DUSP12: variants seen among roughly 807,000 people sequenced by gnomAD.
DUSP12 encodes the protein dual specificity protein phosphatase 12.
In DUSP12, 25 loss-of-function variants were observed where a neutral mutation model predicts 38.9. That is an observed-to-expected ratio of 0.64 (90% CI 0.47 to 0.90). The LOEUF (loss-of-function observed/expected upper bound fraction) is 0.90. DUSP12 is among the 40% of genes least tolerant of loss of function. The pLI is 0.00. For missense variants in DUSP12, 403 were observed against 427.0 expected (o/e 0.94, Z 0.50); for synonymous variants, 153 against 153.9 (o/e 0.99, Z 0.05).
rs760028862 is a variant in DUSP12 at position 161,751,667 on chromosome 1, G to A, written c.345-1G>A. Reference sequence around the variant, plus strand: ...TTTTATTTTAAAGGTCTCTTTTTCAGTCATGCAGGAGTCAGTCGAAGTGTG... The same window carrying A: ...TTTTATTTTAAAGGTCTCTTTTTCAATCATGCAGGAGTCAGTCGAAGTGTG... On this transcript the variant is annotated splice_acceptor_variant, in intron 1 of 5. Coordinates refer to ENST00000367943, the MANE Select transcript of DUSP12 (RefSeq NM_007240.3). LOFTEE classifies it high-confidence loss of function. 3 of 1,594,580 alleles carry A rather than the reference G, an allele frequency of 1.9e-6. No individual in the cohort carries two copies. Among genetic ancestry groups the A allele is most frequent in the Non-Finnish European group, 1.7e-6 (2 of 1,175,056 alleles).
rs1329527685 is a variant in DUSP12 at position 161,749,797 on chromosome 1, C to T, written c.-5C>T. The stretch of plus-strand genomic sequence containing the variant: ...CAGGAAGCCGCCTTGTCTCTGGGCG[C>T]GGCCATGTTGGAGGCTCCGGGCCCG... On this transcript the variant is annotated 5_prime_UTR_variant, in exon 1 of 6. Coordinates refer to ENST00000367943, the MANE Select transcript of DUSP12 (RefSeq NM_007240.3). 5.1e-6 allele frequency: 8 copies of T among 1,564,746 alleles called. No individual in the cohort carries two copies. Among genetic ancestry groups the T allele is most frequent in the Middle Eastern group, 1.9e-4 (1 of 5,300 alleles).
intron 1 of DUSP12, among the ~76,000 whole-genome samples, 167 bp downstream of exon 1, chr1:161,750,312 AGGCGGGCCCCT>A (rs1056455608): frequency 8.5e-5 from 13 of 152,326 alleles, no homozygotes; most frequent in Admixed American, 2.6e-4. Context: ...AGGAGGGTTG[AGGCGGGCCCCT>A]GGTGTGTGCA....
At chr1:161,754,362 T>C (rs1428435467) in intron 5 of DUSP12, among the ~76,000 whole-genome samples, 1 of 152,230 alleles carries the variant, frequency 6.6e-6, no homozygotes, top group Non-Finnish European at 1.5e-5. Flanking sequence ...TATTATAGTA[T>C]AATTCACATA....
rs529889388 is a variant in DUSP12 at position 161,757,015 on chromosome 1, A to G, written c.*68A>G. On this transcript the variant is annotated 3_prime_UTR_variant, in exon 6 of 6. Transcript: ENST00000367943. ...GTGCTGCCTTTGCTTCTTATCATTCATGGCAGATTGTTTGTGCTTTCAACA... is the reference window on the plus strand; with the variant it reads ...GTGCTGCCTTTGCTTCTTATCATTCGTGGCAGATTGTTTGTGCTTTCAACA... 5.4e-5 allele frequency: 78 copies of G among 1,437,726 alleles called. No individual in the cohort carries two copies. The African/African-American group carries it at 1.0e-3, about 19-fold the overall frequency. The allele number at this position is 1,437,726 out of a possible 1,614,324, so 89.1% of individuals were successfully genotyped here.
In DUSP12 at chr1:161,753,255, T is replaced by C; in HGVS notation, c.855T>C (p.Asp285=). 1 of 1,594,868 alleles carries C rather than the reference T, an allele frequency of 6.3e-7. No individual in the cohort carries two copies. Among genetic ancestry groups the C allele is most frequent in the Non-Finnish European group, 8.5e-7 (1 of 1,170,710 alleles). The stretch of plus-strand genomic sequence containing the variant: ...AATCTGCTTTGTTGGGAGTGATGGA[T>C]GGACAGGTGAGAACACATTTTATTT... ...WMESALLGVM[D]GQLLCPKCSA... is the part of the protein sequence containing the mutation. The change falls in exon 5 of 6, where the codon GAT becomes GAC. Residue 285 remains aspartate, a synonymous_variant. Transcript: ENST00000367943.
intron 4 of DUSP12, 68 bp from the exon 5 acceptor site, chr1:161,753,007 C>G: frequency 1.4e-6 from 2 of 1,393,584 alleles, no homozygotes; most frequent in Non-Finnish European, 1.9e-6. Context: ...AAAGAAATAC[C>G]GCACATTTCA....
At position 161,756,809 on chromosome 1, in the gene DUSP12, C is replaced by T; in HGVS notation, c.885C>T (p.Ala295=). 3.7e-6 allele frequency: 6 copies of T among 1,612,218 alleles called. No homozygotes were observed. Among genetic ancestry groups the T allele is most frequent in the Non-Finnish European group, 5.1e-6 (6 of 1,178,796 alleles). ...DGQLLCPKCS[A]KLGSFNWYGE... ...AGCTTCTTTGCCCAAAATGCAGTGC[C>T]AAGTTGGGTTCCTTCAACTGGTATG... Residue 295 remains alanine (A), a synonymous_variant, in exon 6 of 6, where the codon GCC becomes GCT. Transcript: ENST00000367943.
intron 5 of DUSP12, among the ~76,000 whole-genome samples, chr1:161,754,357 T>TTC: frequency 6.6e-6 from 1 of 152,230 alleles, no homozygotes; most frequent in Non-Finnish European, 1.5e-5. Flanking sequence ...AGCCTTATTA[T>TTC]AGTATAATTC....
intron 1 of DUSP12, 117 bp downstream of exon 1, chr1:161,750,262 C>G (rs1571098001): frequency 9.5e-7 from 1 of 1,048,968 alleles, no homozygotes; most frequent in East Asian, 2.6e-5. Context: ...CGTGAACCTC[C>G]TCCCGCTGCC....
At chr1:161,750,356 A>T (rs996773233) in intron 1 of DUSP12, among the ~76,000 whole-genome samples, 4 of 152,170 alleles carry the variant, frequency 2.6e-5, no homozygotes, top group Non-Finnish European at 5.9e-5. Flanking sequence ...TTCATGCTTT[A>T]GTTGGTTCTT....
At chr1:161,751,612 G>A (rs779768949) in intron 1 of DUSP12, 56 bp from the exon 2 acceptor site, 7 of 1,214,294 alleles carry the variant, frequency 5.8e-6, no homozygotes, top group Non-Finnish European at 7.8e-6. Context: ...GGCTTTGTGT[G>A]TTTTTTTTTT....
At position 161,749,819 on chromosome 1, in the gene DUSP12, C is replaced by A. The variant is rs1683982655; in HGVS notation, c.18C>A (p.Gly6=). 3 of 1,582,836 alleles carry A rather than the reference C, an allele frequency of 1.9e-6. No individual in the cohort carries two copies. Among genetic ancestry groups the A allele is most frequent in the Non-Finnish European group, 2.6e-6 (3 of 1,165,286 alleles). MLEAP[G]PSDGCELSNP... is the part of the protein sequence containing the mutation. ...GCGCGGCCATGTTGGAGGCTCCGGG[C>A]CCGAGTGATGGCTGCGAGCTCAGCA... The change falls in exon 1 of 6, where the codon GGC becomes GGA. Residue 6 remains glycine (G), a synonymous_variant. Transcript: ENST00000367943.
rs369035782 is a variant in DUSP12, at chr1:161,751,795, T to G, written c.458+14T>G. On this transcript the variant is annotated intron_variant, in intron 2 of 5. Transcript: ENST00000367943. ...ACCAGAGGCTAAGTGGGTTCTTTTTTTATAGTAATAATTATGCTTTTGTGA... is the reference window on the plus strand; with the variant it reads ...ACCAGAGGCTAAGTGGGTTCTTTTTGTATAGTAATAATTATGCTTTTGTGA... 101 of 1,602,852 alleles carry G rather than the reference T, an allele frequency of 6.3e-5. No homozygotes were observed. The highest frequency in any genetic ancestry group is 8.4e-5 in the Non-Finnish European group (99 of 1,176,862).
intron 1 of DUSP12, 133 bp downstream of exon 1, chr1:161,750,278 C>T (rs751015561): frequency 4.1e-4 from 391 of 956,598 alleles, no homozygotes; most frequent in Non-Finnish European, 5.7e-4. Flanking sequence ...CTGCCTCCCG[C>T]AGGAGGCGTG....
chr1:161,756,317 C>T (rs1044255804), intron 5 of DUSP12, among the ~76,000 whole-genome samples: 2 of 151,840 alleles, frequency 1.3e-5, no homozygotes, highest in Non-Finnish European at 2.9e-5. Flanking sequence ...TTTTGATTTA[C>T]CTATTTTCCT....
chr1:161,756,980 C>A lies in DUSP12; in HGVS notation c.*33C>A. 6.3e-7 allele frequency: 1 copy of A among 1,597,330 alleles called. No individual in the cohort carries two copies. The highest frequency in any genetic ancestry group is 8.6e-7 in the Non-Finnish European group (1 of 1,168,600). On this transcript the variant is annotated 3_prime_UTR_variant, in exon 6 of 6. Transcript: ENST00000367943. ...ATTTTATAGCTTGGGAAGAAACTTG[C>A]AGATGATATGTGCTGCCTTTGCTTC...
chr1:161,754,448 G>A (rs886402944), intron 5 of DUSP12, among the ~76,000 whole-genome samples: 17 of 152,058 alleles, frequency 1.1e-4, no homozygotes, highest in African/African-American at 3.4e-4. Flanking sequence ...TGCAACCATC[G>A]TGTATTAGTC....
chr1:161,752,073 A>G (rs1217551096), intron 3 of DUSP12, 89 bp downstream of exon 3: 1 of 921,494 alleles, frequency 1.1e-6, no homozygotes. Context: ...GCAATCCCTG[A>G]GAAACTATTG....
chr1:161,750,138 G>A lies in DUSP12; in HGVS notation c.337G>A (p.Val113Met). The A allele has an allele frequency of 6.2e-7, 1 of 1,611,624 alleles. No individual in the cohort carries two copies. Among genetic ancestry groups the A allele is most frequent in the Non-Finnish European group, 8.5e-7 (1 of 1,179,266 alleles). Reference sequence around the variant, plus strand: ...CCGCGCTGAGGGCCGTGCGGTGTTGGTGCACTGGTGAGTGGCCGGGTCAGT... The same window carrying A: ...CCGCGCTGAGGGCCGTGCGGTGTTGATGCACTGGTGAGTGGCCGGGTCAGT... ...QARAEGRAVL[V>M]HCHAGVSRSV... The change falls in exon 1 of 6, where the codon GTG becomes ATG. Residue 113 changes from valine (V) to methionine (M), a missense_variant. Physicochemically the swap from Val to Met is conservative, Grantham distance 21. Transcript: ENST00000367943.
Sources: allele counts gnomAD v4.1 joint callset (sites outside exome capture counted in the v4.1 genomes callset), GRCh38; gene constraint gnomAD v4.1.1; transcripts MANE v1.5; gene names NCBI Gene and HGNC (gene_info 2026-07-23, HGNC 2026-07-21).